TLN2: variants seen among roughly 807,000 people sequenced by gnomAD.
The protein encoded by TLN2 is talin 2.
A neutral mutation model predicts 294.7 loss-of-function variants in TLN2; 118 were observed. The ratio of observed to expected loss-of-function variants is 0.40; its 90% confidence interval spans 0.34 to 0.47. The LOEUF is 0.47. Ranked by LOEUF, TLN2 falls within the 20% of genes least tolerant of loss-of-function variation. The probability of loss-of-function intolerance (pLI) is 0.84; values close to 1 mark genes in which losing one functional copy is unlikely to be tolerated. For missense variants in TLN2, 3,083 were observed against 3,282.2 expected (o/e 0.94, Z 1.48); for synonymous variants, 1,431 against 1,304.5 (o/e 1.10, Z -2.09).
intron 1 of TLN2, among the ~76,000 whole-genome samples, chr15:62,450,188 T>C (rs2036024492): frequency 6.6e-6 from 1 of 152,140 alleles, no homozygotes; most frequent in African/African-American, 2.4e-5. Context: ...CTTTTACTCA[T>C]ACTCCTTGCC....
chr15:62,668,707 A>G (rs943169575), intron 9 of TLN2, among the ~76,000 whole-genome samples: 6 of 152,166 alleles, frequency 3.9e-5, no homozygotes, highest in African/African-American at 1.2e-4. Flanking sequence ...CCTCAGAGTC[A>G]GTGTGTAGAA....
chr15:62,756,022 C>A (rs571880059), intron 37 of TLN2, among the ~76,000 whole-genome samples: 2 of 152,262 alleles, frequency 1.3e-5, no homozygotes, highest in East Asian at 3.9e-4. Context: ...AGCAAATACC[C>A]TGATTTTACT....
At chr15:62,619,630 G>A (rs2048604941) in intron 3 of TLN2, among the ~76,000 whole-genome samples, 1 of 152,164 alleles carries the variant, frequency 6.6e-6, no homozygotes, top group African/African-American at 2.4e-5. Context: ...TACTGGATTA[G>A]GGTGGGCCCT....
At chr15:62,411,610 G>A (rs1191431602) in intron 1 of TLN2, among the ~76,000 whole-genome samples, 2 of 152,140 alleles carry the variant, frequency 1.3e-5, no homozygotes, top group Non-Finnish European at 2.9e-5. Flanking sequence ...CATTGAGGTT[G>A]AGGTTGGAGC....
At chr15:62,478,322 C>T (rs781261810) in intron 1 of TLN2, among the ~76,000 whole-genome samples, 3 of 152,236 alleles carry the variant, frequency 2.0e-5, no homozygotes, top group Middle Eastern at 3.4e-3. Context: ...GAGATGGGGT[C>T]GCTTATTATT....
chr15:62,469,921 C>A (rs1261019095), intron 1 of TLN2, among the ~76,000 whole-genome samples: 1 of 151,846 alleles, frequency 6.6e-6, no homozygotes, highest in African/African-American at 2.4e-5. Flanking sequence ...ATGGCTCTTG[C>A]GTGTGGGTGT....
intron 1 of TLN2, among the ~76,000 whole-genome samples, chr15:62,585,086 A>G (rs1444734610): frequency 6.6e-6 from 1 of 152,158 alleles, no homozygotes; most frequent in African/African-American, 2.4e-5. Context: ...TTGATGACAA[A>G]TGGGTTCTTG....
At chr15:62,707,411 C>T (rs542769205) in intron 20 of TLN2, among the ~76,000 whole-genome samples, 158 bp downstream of exon 20, 2 of 152,336 alleles carry the variant, frequency 1.3e-5, no homozygotes, top group East Asian at 1.9e-4. Context: ...TTAGCATAAG[C>T]GGTCAAATTC....
chr15:62,678,140 T>C (rs2056441437), intron 11 of TLN2, among the ~76,000 whole-genome samples: 2 of 152,188 alleles, frequency 1.3e-5, no homozygotes, highest in African/African-American at 2.4e-5. Flanking sequence ...CAAATTGTTA[T>C]TAATTTTATT....
intron 1 of TLN2, among the ~76,000 whole-genome samples, chr15:62,539,405 G>T (rs953742361): frequency 2.6e-5 from 4 of 152,112 alleles, no homozygotes; most frequent in African/African-American, 9.7e-5. Context: ...GTCACCTAGT[G>T]GGCCCATGTC....
chr15:62,411,472 T>C (rs1445057865), intron 1 of TLN2, among the ~76,000 whole-genome samples: 4 of 150,674 alleles, frequency 2.7e-5, no homozygotes, highest in East Asian at 2.0e-4. Flanking sequence ...TGTGTGTGTG[T>C]GTGTTTTGTT....
At chr15:62,517,084 T>C (rs2040226385) in intron 1 of TLN2, among the ~76,000 whole-genome samples, 1 of 152,208 alleles carries the variant, frequency 6.6e-6, no homozygotes, top group Non-Finnish European at 1.5e-5. Flanking sequence ...GAGCTAATAA[T>C]ATTTCAGTGG....
At chr15:62,639,777 G>A (rs1265426143) in intron 3 of TLN2, among the ~76,000 whole-genome samples, 1 of 152,180 alleles carries the variant, frequency 6.6e-6, no homozygotes, top group Non-Finnish European at 1.5e-5. Flanking sequence ...CCCACCAGTT[G>A]GGAAGAGATA....
chr15:62,738,530 T>G (rs1221488782), intron 30 of TLN2, among the ~76,000 whole-genome samples, 197 bp downstream of exon 30: 2 of 152,176 alleles, frequency 1.3e-5, no homozygotes, highest in Non-Finnish European at 2.9e-5. Flanking sequence ...AAAGTTTACT[T>G]TTTCTTTGAG....
At chr15:62,652,181 T>C in intron 6 of TLN2, 47 bp downstream of exon 6, 1 of 1,460,238 alleles carries the variant, frequency 6.8e-7, no homozygotes, top group Non-Finnish European at 9.1e-7. Flanking sequence ...TAGTTTTTAA[T>C]TACAGGCCTC....
At chr15:62,643,297 A>G (rs2051363854) in intron 3 of TLN2, among the ~76,000 whole-genome samples, 1 of 151,996 alleles carries the variant, frequency 6.6e-6, no homozygotes, top group Admixed American at 6.6e-5. Context: ...GCTTGGAAAA[A>G]CTAAATCTTA....
chr15:62,782,301 C>G (rs1021016423), intron 44 of TLN2, among the ~76,000 whole-genome samples: 3 of 152,186 alleles, frequency 2.0e-5, no homozygotes, highest in African/African-American at 7.2e-5. Context: ...AATGGTACAC[C>G]CATCTCAGTG....
intron 1 of TLN2, among the ~76,000 whole-genome samples, chr15:62,523,046 G>A (rs7182050): frequency 6.6e-6 from 1 of 151,686 alleles, no homozygotes; most frequent in African/African-American, 2.4e-5. Context: ...CTAGGGCTGG[G>A]ATAAGTCCTC....
At chr15:62,776,060 A>G (rs2063701086) in intron 42 of TLN2, among the ~76,000 whole-genome samples, 1 of 152,182 alleles carries the variant, frequency 6.6e-6, no homozygotes, top group Non-Finnish European at 1.5e-5. Flanking sequence ...TTCCCCCTGC[A>G]TCTTGCTGCT....
Sources: gnomAD v4.1 joint callset for allele counts (sites outside exome capture counted in the v4.1 genomes callset) on GRCh38, gnomAD v4.1.1 for gene constraint, MANE v1.5 for transcripts, NCBI Gene and HGNC (gene_info 2026-07-23, HGNC 2026-07-21) for gene names.